The following PCDH15 variants were observed in gnomAD, a reference collection of about 807,000 sequenced individuals.
PCDH15 encodes protocadherin-15.
PCDH15 carries 129 observed loss-of-function variants against 178.5 expected under a neutral mutation model. That is an observed-to-expected ratio of 0.72 (90% CI 0.63 to 0.84). The LOEUF is 0.84. Ranked by LOEUF, PCDH15 falls within the 40% of genes least tolerant of loss-of-function variation. The pLI, the probability that PCDH15 is intolerant of heterozygous loss-of-function variation, is 0.00. For synonymous variants in PCDH15, 800 were observed against 732.0 expected, an observed-to-expected ratio of 1.09 and a Z score of -1.50; for missense variants, 2,230 against 2,099.9, an observed-to-expected ratio of 1.06 and a Z score of -1.21.
intron 2 of PCDH15, among the ~76,000 whole-genome samples, chr10:55,577,328 A>G (rs1471466615): frequency 6.6e-6 from 1 of 152,168 alleles, no homozygotes; most frequent in Admixed American, 6.6e-5. Flanking sequence ...TTATTTGTAC[A>G]TACACAAACA....
intron 7 of PCDH15, among the ~76,000 whole-genome samples, chr10:54,324,697 G>A (rs539568063): frequency 1.3e-5 from 2 of 152,112 alleles, no homozygotes; most frequent in South Asian, 4.2e-4. Flanking sequence ...CACGAGAGGC[G>A]AAGGCTGCAG....
chr10:55,610,719 GA>G (rs1442075236), intron 2 of PCDH15, among the ~76,000 whole-genome samples: 1 of 151,964 alleles, frequency 6.6e-6, no homozygotes, highest in Non-Finnish European at 1.5e-5. Context: ...AGTGCTCACT[GA>G]AAATTCAATT....
chr10:54,691,131 C>G (rs1460228533), intron 1 of PCDH15, among the ~76,000 whole-genome samples: 1 of 152,074 alleles, frequency 6.6e-6, no homozygotes, highest in Non-Finnish European at 1.5e-5. Context: ...TAAATTGCAT[C>G]TCTATTGAAA....
intron 3 of PCDH15, among the ~76,000 whole-genome samples, chr10:54,883,120 C>G (rs1591761503): frequency 6.6e-6 from 1 of 151,878 alleles, no homozygotes; most frequent in South Asian, 2.1e-4. Context: ...TGGACCAAAC[C>G]TTATCTTCCT....
At chr10:54,057,864 T>A (rs7080789) in intron 18 of PCDH15, among the ~76,000 whole-genome samples, 2 of 151,754 alleles carry the variant, frequency 1.3e-5, no homozygotes, top group South Asian at 2.1e-4. Context: ...CTGAATCATC[T>A]CTTTCAAGTT....
chr10:54,233,296 C>T (rs958862551), intron 9 of PCDH15, among the ~76,000 whole-genome samples: 1 of 152,100 alleles, frequency 6.6e-6, no homozygotes, highest in Admixed American at 6.5e-5. Flanking sequence ...GTCTTTGTGA[C>T]AAATATTACA....
chr10:55,403,612 A>C (rs1394311299), intron 2 of PCDH15, among the ~76,000 whole-genome samples: 1 of 151,772 alleles, frequency 6.6e-6, no homozygotes, highest in Non-Finnish European at 1.5e-5. Flanking sequence ...TGCACCATTT[A>C]TTAAAGAGGG....
chr10:53,882,065 C>T (rs2080761636), intron 26 of PCDH15, among the ~76,000 whole-genome samples: 1 of 149,622 alleles, frequency 6.7e-6, no homozygotes, highest in Non-Finnish European at 1.5e-5. Flanking sequence ...CCTCAGCTCA[C>T]TGCAACCTCC....
At chr10:55,001,025 C>T (rs1245043722) in intron 2 of PCDH15, among the ~76,000 whole-genome samples, 2 of 152,126 alleles carry the variant, frequency 1.3e-5, no homozygotes, top group Non-Finnish European at 2.9e-5. Flanking sequence ...CTCTTTGAGA[C>T]GACCTGCCTG....
Position 54,919,894 on chromosome 10 carries a change from A to G in PCDH15, c.-79-22394T>C, listed in dbSNP as rs189871920. Among the ~76,000 whole-genome samples the G allele has an allele frequency of 2.4e-3, 340 of 143,824 alleles. 4 individuals are homozygous for G. Among genetic ancestry groups the G allele is most frequent in the East Asian group, 0.022 (112 of 5,062 alleles). The allele number at this position is 143,824 out of a possible 152,430, so 94.4% of individuals were successfully genotyped here. On this transcript the variant is annotated intron_variant, in intron 2 of 5. Coordinates refer to the PCDH15 transcript ENST00000458638. ...GCTCATAAATTCTATGAGGTTTGGG[A>G]AAAAAAAAAGGCTCTGTAACATTTG...
chr10:54,387,509 C>A (rs1950064355), intron 3 of PCDH15, among the ~76,000 whole-genome samples: 1 of 152,146 alleles, frequency 6.6e-6, no homozygotes, highest in African/African-American at 2.4e-5. Flanking sequence ...ATACTTGAAA[C>A]TGACCCAATA....
chr10:54,923,643 A>C (rs1264028523), intron 2 of PCDH15, among the ~76,000 whole-genome samples: 1 of 137,836 alleles, frequency 7.3e-6, no homozygotes, highest in African/African-American at 2.5e-5. Flanking sequence ...ATCTCTCTCA[A>C]GTTCAAAGTT....
At chr10:54,073,790 A>G (rs1028545201) in intron 17 of PCDH15, among the ~76,000 whole-genome samples, 2 of 152,194 alleles carry the variant, frequency 1.3e-5, no homozygotes, top group Admixed American at 6.5e-5. Flanking sequence ...GAATAACTTC[A>G]CATTTTAAAT....
At chr10:55,320,916 G>C (rs375611655), upstream of PCDH15, among the ~76,000 whole-genome samples, 4 of 152,112 alleles carry the variant, frequency 2.6e-5, no homozygotes, top group Non-Finnish European at 5.9e-5. Flanking sequence ...CCATACCAAT[G>C]GTTCCTATCC....
At chr10:54,369,340 A>G in intron 4 of PCDH15, 65 bp from the exon 5 acceptor site, 12 of 1,420,768 alleles carry the variant, frequency 8.4e-6, no homozygotes, top group Non-Finnish European at 1.1e-5. Context: ...TCACTGTCAA[A>G]GCACTCGTTC....
At chr10:55,390,113 A>G (rs767066268) in intron 2 of PCDH15, among the ~76,000 whole-genome samples, 1 of 152,126 alleles carries the variant, frequency 6.6e-6, no homozygotes, top group Non-Finnish European at 1.5e-5. Flanking sequence ...AGCAAGTCAC[A>G]TGAGTTTTTT....
chr10:55,021,893 G>A (rs1463298261), intron 2 of PCDH15, among the ~76,000 whole-genome samples: 1 of 151,458 alleles, frequency 6.6e-6, no homozygotes, highest in Non-Finnish European at 1.5e-5. Context: ...CAACCCGGAA[G>A]AACCTGAGGA....
At chr10:54,829,158 T>C (rs1264638954) in intron 3 of PCDH15, among the ~76,000 whole-genome samples, 2 of 151,902 alleles carry the variant, frequency 1.3e-5, no homozygotes, top group Non-Finnish European at 2.9e-5. Flanking sequence ...TGAATAGGCA[T>C]TGCAATGTTT....
At chr10:54,207,455 G>A (rs2384417) in intron 10 of PCDH15, among the ~76,000 whole-genome samples, 136,481 of 151,704 alleles carry the variant, frequency 0.9, 61,544 homozygotes, top group East Asian at 0.98. Flanking sequence ...GTTGCTCTTC[G>A]GCAATATTTT....
Sources: allele counts gnomAD v4.1 joint callset (sites outside exome capture counted in the v4.1 genomes callset), GRCh38; gene constraint gnomAD v4.1.1; transcripts MANE v1.5; gene names NCBI Gene and HGNC (gene_info 2026-07-23, HGNC 2026-07-21).